The following ZNF334 variants were observed in gnomAD, a reference collection of about 807,000 sequenced individuals.
ZNF334 encodes the protein zinc finger protein 334.
In ZNF334, 14 loss-of-function variants were observed where a neutral mutation model predicts 12.4. That is an observed-to-expected ratio of 1.13 (90% confidence interval 0.74 to 1.76). The LOEUF (loss-of-function observed/expected upper bound fraction) is 1.76, where lower values mean the gene tolerates loss of function less well. ZNF334 is among the 40% of genes most tolerant of loss of function. The pLI is 0.00. For missense variants in ZNF334, 797 were observed against 804.5 expected (o/e 0.99, Z 0.11); for synonymous variants, 273 against 269.6 (o/e 1.01, Z -0.12).
chr20:46,488,445 A>G, the ZNF334 span, among the ~76,000 whole-genome samples: 1 of 138,304 alleles, frequency 7.2e-6, no homozygotes, highest in Non-Finnish European at 1.5e-5. Context: ...ATATATATAA[A>G]TACCATAATT....
At chr20:46,468,586 A>T in the ZNF334 span, among the ~76,000 whole-genome samples, 1 of 152,062 alleles carries the variant, frequency 6.6e-6, no homozygotes, top group Non-Finnish European at 1.5e-5. Context: ...CCCCGGGCCT[A>T]TACCCACTTT....
the ZNF334 span, among the ~76,000 whole-genome samples, chr20:46,467,714 C>A: frequency 6.6e-6 from 1 of 152,164 alleles, no homozygotes; most frequent in Non-Finnish European, 1.5e-5. Context: ...AGTAATTGAT[C>A]TTCATGAATT....
the ZNF334 span, chr20:46,464,568 G>A: frequency 2.4e-6 from 1 of 419,948 alleles, no homozygotes; most frequent in South Asian, 1.9e-5. Flanking sequence ...TATATGCTGT[G>A]GTCTCTGGGC....
the ZNF334 span, chr20:46,463,634 C>T: frequency 1.3e-3 from 264 of 208,404 alleles, no homozygotes; most frequent in African/African-American, 5.4e-3. Context: ...CACACCTACA[C>T]GAACTGTCTG....
At chr20:46,489,440 G>C in the ZNF334 span, among the ~76,000 whole-genome samples, 13 of 151,928 alleles carry the variant, frequency 8.6e-5, no homozygotes, top group African/African-American at 3.1e-4. Flanking sequence ...AGGCTGAGGC[G>C]GTCAGGCCAC....
chr20:46,477,083 G>A, the ZNF334 span: 1 of 152,252 alleles, frequency 6.6e-6, no homozygotes, highest in South Asian at 2.1e-4. Context: ...ATTAAGTGCT[G>A]GACACTAGAG....
the ZNF334 span, chr20:46,464,844 A>G: frequency 1.9e-6 from 1 of 540,012 alleles, no homozygotes; most frequent in Non-Finnish European, 3.8e-6. Flanking sequence ...TTTGAGTCTG[A>G]CTCAGCTTCG....
intron 2 of ZNF334, chr20:46,506,135 T>C: frequency 5.1e-6 from 2 of 390,782 alleles, no homozygotes; most frequent in Non-Finnish European, 4.5e-6. Context: ...GTCTGTTGAG[T>C]AAAGAAGTAC....
chr20:46,508,478 G>A (rs1241714315), intron 2 of ZNF334, among the ~76,000 whole-genome samples: 1 of 152,240 alleles, frequency 6.6e-6, no homozygotes, highest in African/African-American at 2.4e-5. Context: ...TCACAATGTA[G>A]GCAGAAAAGG....
At chr20:46,493,681 A>G in the ZNF334 span, among the ~76,000 whole-genome samples, 1 of 152,228 alleles carries the variant, frequency 6.6e-6, no homozygotes, top group Non-Finnish European at 1.5e-5. Flanking sequence ...ACTCTTTACA[A>G]AAGTGTGGAA....
chr20:46,502,924 C>T lies in ZNF334; in HGVS notation c.415G>A (p.Gly139Arg). The change falls in exon 5 of 5, where the codon GGA becomes AGA. Residue 139 changes from glycine to arginine, a missense_variant. Physicochemically the swap from Gly to Arg is moderately radical, Grantham distance 125 (BLOSUM62 -2). Coordinates refer to ENST00000692313, the MANE Select transcript of ZNF334 (RefSeq NM_001353824.2). ...SRKMPYKCNP[G>R]GNSLKTNSEV... ...GAATTAGTTTTCAAACTGTTTCCTC[C>T]TGGATTACATTTATAGGGCATTTTT... 6.2e-7 allele frequency: 1 copy of T among 1,613,922 alleles called. No individual in the cohort carries two copies. The highest frequency in any genetic ancestry group is 1.1e-5 in the South Asian group (1 of 91,040).
the ZNF334 span, among the ~76,000 whole-genome samples, chr20:46,484,025 T>C: frequency 6.6e-6 from 1 of 152,162 alleles, no homozygotes; most frequent in Non-Finnish European, 1.5e-5. Context: ...ATAATACTGG[T>C]CCAAAACCCA....
intron 2 of ZNF334, among the ~76,000 whole-genome samples, chr20:46,507,574 T>C (rs954173729): frequency 6.6e-6 from 1 of 152,234 alleles, no homozygotes; most frequent in African/African-American, 2.4e-5. Context: ...TTGTGTATGA[T>C]TTTTCTCATT....
chr20:46,493,238 G>C, the ZNF334 span, among the ~76,000 whole-genome samples: 2 of 152,144 alleles, frequency 1.3e-5, no homozygotes, highest in African/African-American at 4.8e-5. Context: ...ACTTTCACTG[G>C]ATTAACAAAT....
the ZNF334 span, chr20:46,485,717 T>G: frequency 6.6e-6 from 1 of 152,156 alleles, no homozygotes; most frequent in Non-Finnish European, 1.5e-5. Context: ...TGAATTTCGG[T>G]CTGGAGTATC....
the ZNF334 span, among the ~76,000 whole-genome samples, chr20:46,470,442 C>G: frequency 1.3e-5 from 2 of 152,170 alleles, no homozygotes; most frequent in Non-Finnish European, 2.9e-5. Flanking sequence ...GTGAGGCTTT[C>G]TGTGGGAGAG....
the ZNF334 span, among the ~76,000 whole-genome samples, chr20:46,488,902 G>A: frequency 1.5e-3 from 223 of 150,130 alleles, no homozygotes; most frequent in Non-Finnish European, 2.4e-3. Context: ...TTGTCTCTGT[G>A]CCATGTACAT....
At chr20:46,503,384 T>C (rs1006277704) in intron 4 of ZNF334, among the ~76,000 whole-genome samples, 6 of 152,192 alleles carry the variant, frequency 3.9e-5, no homozygotes, top group Non-Finnish European at 7.4e-5. Context: ...CAAATACTAC[T>C]AAACATTGAG....
Position 46,502,282 on chromosome 20 carries a change from C to A in ZNF334, c.1057G>T (p.Glu353Ter), listed in dbSNP as rs1032987226. ...HTGEKPYECKECGNAFSKKSY... is the reference protein window; with the variant it reads ...HTGEKPYECK ...TTCTTGCTGAAGGCATTTCCACATT[C>A]CTTGCATTCGTAAGGCTTCTCCCCT... Residue 353 changes from glutamate (E) to a stop codon, truncating the protein, a stop_gained, in exon 5 of 5, where the codon GAA becomes TAA. Coordinates refer to ENST00000692313, the MANE Select transcript of ZNF334 (RefSeq NM_001353824.2). LOFTEE classifies it low-confidence loss of function (END_TRUNC). 3 of 1,614,084 alleles carry A rather than the reference C, an allele frequency of 1.9e-6. No homozygotes were observed. Among genetic ancestry groups the A allele is most frequent in the Non-Finnish European group, 2.5e-6 (3 of 1,179,994 alleles).
Sources: allele counts gnomAD v4.1 joint callset (sites outside exome capture counted in the v4.1 genomes callset), GRCh38; gene constraint gnomAD v4.1.1; transcripts MANE v1.5; gene names NCBI Gene and HGNC (gene_info 2026-07-23, HGNC 2026-07-21).